Variants in CFAP141 observed in about 807,000 individuals in gnomAD.
The protein encoded by CFAP141 is cilia- and flagella-associated protein 141.
chr1:154,200,833 G>C, the CFAP141 span, among the ~76,000 whole-genome samples: 1 of 151,742 alleles, frequency 6.6e-6, no homozygotes, highest in East Asian at 2.0e-4. Flanking sequence ...CAGGTGCCTG[G>C]CACCATGCCC....
At chr1:154,204,576 C>T in the CFAP141 span, among the ~76,000 whole-genome samples, 1 of 148,208 alleles carries the variant, frequency 6.7e-6, no homozygotes, top group African/African-American at 2.5e-5. Context: ...CCAATGTGCC[C>T]AGCTCATTTT....
the CFAP141 span, chr1:154,199,664 G>A: frequency 3.2e-6 from 2 of 617,722 alleles, no homozygotes; most frequent in Non-Finnish European, 5.7e-6. Context: ...CTGGGTGGTA[G>A]CAGAGAGGCT....
chr1:154,200,645 C>A, the CFAP141 span: 1 of 1,561,618 alleles, frequency 6.4e-7, no homozygotes, highest in Non-Finnish European at 8.7e-7. Context: ...GGAGTAGAGA[C>A]AAAAAACCCA....
the CFAP141 span, chr1:154,200,686 TTTTC>T: frequency 1.5e-6 from 2 of 1,344,492 alleles, no homozygotes; most frequent in Non-Finnish European, 2.0e-6. Context: ...TTTCTTTTTC[TTTTC>T]TTTTTTTTTG....
chr1:154,200,832 G>A, the CFAP141 span, among the ~76,000 whole-genome samples: 23 of 152,126 alleles, frequency 1.5e-4, no homozygotes, highest in African/African-American at 5.5e-4. Flanking sequence ...ACAGGTGCCT[G>A]GCACCATGCC....
At chr1:154,199,473 T>C in the CFAP141 span, 2 of 1,613,536 alleles carry the variant, frequency 1.2e-6, no homozygotes, top group Non-Finnish European at 1.7e-6. Flanking sequence ...ATTTAGTTCC[T>C]GCTGGTACTG....
the CFAP141 span, among the ~76,000 whole-genome samples, chr1:154,203,783 CAT>C: frequency 6.6e-6 from 1 of 151,744 alleles, no homozygotes; most frequent in East Asian, 2.0e-4. Context: ...TTTTAAAAAA[CAT>C]GTAATCAGGC....
the CFAP141 span, among the ~76,000 whole-genome samples, chr1:154,202,717 C>T: frequency 1.3e-5 from 2 of 151,916 alleles, no homozygotes; most frequent in African/African-American, 4.8e-5. Context: ...AGAAGAATGG[C>T]GTGAACCCAG....
chr1:154,205,765 C>T, the CFAP141 span: 25 of 799,622 alleles, frequency 3.1e-5, no homozygotes, highest in African/African-American at 3.5e-5. Context: ...AGTGCAGTGG[C>T]GTGATCTCGG....
the CFAP141 span, among the ~76,000 whole-genome samples, chr1:154,202,521 C>T: frequency 6.6e-6 from 1 of 152,130 alleles, no homozygotes; most frequent in Non-Finnish European, 1.5e-5. Flanking sequence ...TTAAGTGAGG[C>T]CGGCCGCGGT....
chr1:154,200,475 T>C, the CFAP141 span: 2 of 1,614,250 alleles, frequency 1.2e-6, no homozygotes, highest in Non-Finnish European at 1.7e-6. Context: ...TAGTTGCTTT[T>C]TGGCCAGTGC....
the CFAP141 span, among the ~76,000 whole-genome samples, chr1:154,201,632 C>T: frequency 1.3e-5 from 2 of 152,028 alleles, no homozygotes; most frequent in African/African-American, 4.8e-5. Context: ...AGGTGATCCG[C>T]CTGACTCAGC....
chr1:154,201,397 T>G, the CFAP141 span, among the ~76,000 whole-genome samples: 1 of 151,864 alleles, frequency 6.6e-6, no homozygotes, highest in Admixed American at 6.6e-5. Flanking sequence ...CAGCTTTTTT[T>G]TTTTTTTTTA....
chr1:154,200,507 C>T, the CFAP141 span: 3 of 1,614,188 alleles, frequency 1.9e-6, no homozygotes, highest in East Asian at 6.7e-5. Context: ...CCATGGTGTC[C>T]TGCATCCTTA....
the CFAP141 span, among the ~76,000 whole-genome samples, chr1:154,202,423 C>T: frequency 6.6e-6 from 1 of 152,136 alleles, no homozygotes; most frequent in African/African-American, 2.4e-5. Flanking sequence ...ATACATCATG[C>T]ATGTACATAT....
At chr1:154,202,083 C>G in the CFAP141 span, among the ~76,000 whole-genome samples, 6 of 152,014 alleles carry the variant, frequency 3.9e-5, no homozygotes, top group Non-Finnish European at 7.4e-5. Context: ...ATTATTGGTG[C>G]ATGCCACCAC....
the CFAP141 span, chr1:154,200,678 T>A: frequency 7.2e-7 from 1 of 1,384,500 alleles, no homozygotes. Flanking sequence ...GTTTCTTTTT[T>A]CTTTTTCTTT....
chr1:154,205,640 TG>T, the CFAP141 span: 1 of 1,613,840 alleles, frequency 6.2e-7, no homozygotes, highest in Non-Finnish European at 8.5e-7. Flanking sequence ...TTGAAAACTC[TG>T]CAAGAAAAGG....
the CFAP141 span, chr1:154,200,630 A>T: frequency 6.2e-7 from 1 of 1,607,654 alleles, no homozygotes; most frequent in Non-Finnish European, 8.5e-7. Context: ...GGTGGGTTAG[A>T]GTTAGGAGTA....
Sources: gnomAD v4.1 joint callset for allele counts (sites outside exome capture counted in the v4.1 genomes callset) on GRCh38, gnomAD v4.1.1 for gene constraint, MANE v1.5 for transcripts, NCBI Gene and HGNC (gene_info 2026-07-23, HGNC 2026-07-21) for gene names.